The following RPTOR variants were observed in gnomAD, a reference collection of about 807,000 sequenced individuals.
RPTOR encodes the protein regulatory-associated protein of mTOR.
Under a neutral mutation model 169.9 loss-of-function variants are expected in RPTOR, and 21 were observed. The ratio of observed to expected loss-of-function variants is 0.12; its 90% CI spans 0.09 to 0.18. The LOEUF (loss-of-function observed/expected upper bound fraction) is 0.18, where lower values mean the gene tolerates loss of function less well. Among genes scored for constraint, RPTOR ranks in the 10% least tolerant of loss-of-function variants. The pLI, the probability that RPTOR is intolerant of heterozygous loss-of-function variation, is 1.00. For missense variants in RPTOR, 1,133 were observed against 1,855.9 expected, an observed-to-expected ratio of 0.61 and a Z score of 7.16; for synonymous variants, 732 against 753.2, an observed-to-expected ratio of 0.97 and a Z score of 0.46.
intron 9 of RPTOR, among the ~76,000 whole-genome samples, chr17:80,835,354 T>TAA (rs768154093): frequency 6.6e-6 from 1 of 152,160 alleles, no homozygotes; most frequent in South Asian, 2.1e-4. Flanking sequence ...GGAGTGTCAT[T>TAA]AACCTAAAAA....
rs1431224264 is a variant in RPTOR, at chr17:80,855,503, T to C, written c.1354T>C (p.Leu452=). The C allele has an allele frequency of 6.2e-7, 1 of 1,614,046 alleles. No individual in the cohort carries two copies. The highest frequency in any genetic ancestry group is 8.5e-7 in the Non-Finnish European group (1 of 1,179,988). ...AGTGCACCGGCTGAGAGCATTGGAC[T>C]TGCTTGGAAGATTTTTGGACCTGGG... ...SQVHRLRALD[L]LGRFLDLGPW... Residue 452 remains leucine, a synonymous_variant, in exon 12 of 34, where the codon TTG becomes CTG. Coordinates refer to ENST00000306801, the MANE Select transcript of RPTOR (RefSeq NM_020761.3).
chr17:80,789,618 G>A (rs190056026), intron 6 of RPTOR, among the ~76,000 whole-genome samples: 1 of 152,180 alleles, frequency 6.6e-6, no homozygotes, highest in South Asian at 2.1e-4. Flanking sequence ...TAGGGCTTTT[G>A]CCTGCAATAT....
chr17:80,569,858 G>A (rs2064884604), intron 1 of RPTOR, among the ~76,000 whole-genome samples: 1 of 152,128 alleles, frequency 6.6e-6, no homozygotes, highest in Non-Finnish European at 1.5e-5. Flanking sequence ...AGGGTCGTGG[G>A]TGCTTCATGA....
intron 9 of RPTOR, among the ~76,000 whole-genome samples, chr17:80,824,228 AC>A (rs1353503986): frequency 2.0e-5 from 3 of 152,252 alleles, no homozygotes; most frequent in Non-Finnish European, 4.4e-5. Flanking sequence ...TGGACTTTAA[AC>A]AGCAAAAGTT....
rs148868903 is a variant in RPTOR, at chr17:80,713,781, G to A, written c.507+5782G>A. On this transcript the variant is annotated intron_variant, in intron 4 of 33. Transcript: ENST00000306801. Reference sequence around the variant, plus strand: ...CAGGCACACACCATCCTGAGTGTGCGTGCGCTTAATATCAGAGTTTCAAAG... The same window carrying A: ...CAGGCACACACCATCCTGAGTGTGCATGCGCTTAATATCAGAGTTTCAAAG... Among the ~76,000 whole-genome samples, 598 of 152,180 alleles carry A rather than the reference G, an allele frequency of 3.9e-3. 1 individual carries two copies. The highest frequency in any genetic ancestry group is 0.01 in the Middle Eastern group (3 of 294).
intron 9 of RPTOR, among the ~76,000 whole-genome samples, chr17:80,826,432 A>G (rs1464435463): frequency 6.6e-6 from 1 of 152,160 alleles, no homozygotes; most frequent in Non-Finnish European, 1.5e-5. Flanking sequence ...TGTGGCAGTA[A>G]CCGCAGGTCT....
At chr17:80,551,574 G>T (rs577351463) in intron 1 of RPTOR, among the ~76,000 whole-genome samples, 1 of 152,222 alleles carries the variant, frequency 6.6e-6, no homozygotes, top group Admixed American at 6.5e-5. Flanking sequence ...ATTGCTGCCC[G>T]CATGTCCCAC....
chr17:80,836,556 G>A (rs2067566807), intron 9 of RPTOR, among the ~76,000 whole-genome samples: 1 of 152,204 alleles, frequency 6.6e-6, no homozygotes, highest in Non-Finnish European at 1.5e-5. Flanking sequence ...TCGGTCAGAG[G>A]CAGCTGCTGT....
chr17:80,581,152 T>C (rs1218928455), intron 1 of RPTOR, among the ~76,000 whole-genome samples: 3 of 152,240 alleles, frequency 2.0e-5, no homozygotes, highest in East Asian at 1.9e-4. Flanking sequence ...CTAATGTAGA[T>C]GAAAGACTCG....
At chr17:80,798,481 C>G (rs9889802) in intron 7 of RPTOR, among the ~76,000 whole-genome samples, 32,235 of 151,940 alleles carry the variant, frequency 0.21, 3,685 homozygotes, top group African/African-American at 0.29. Context: ...CTGCTTGGGA[C>G]ACCAGTCCCT....
At chr17:80,654,907 C>T (rs552120770) in intron 3 of RPTOR, among the ~76,000 whole-genome samples, 1 of 151,932 alleles carries the variant, frequency 6.6e-6, no homozygotes, top group Non-Finnish European at 1.5e-5. Flanking sequence ...ATATAAATGA[C>T]CATAATTGAC....
rs186362893 is a variant in RPTOR, at chr17:80,787,057, A to G, written c.831-4393A>G. Among the ~76,000 whole-genome samples the G allele has an allele frequency of 8.0e-3, 1,225 of 152,304 alleles. 21 individuals are homozygous for G. The highest frequency in any genetic ancestry group is 0.028 in the African/African-American group (1,181 of 41,564). ...CCACCACGCAGGGCGCCCTTGATGC[A>G]CACGCACCTGCCGCCCCCGCCCTGT... On this transcript the variant is annotated intron_variant, in intron 6 of 33. Transcript: ENST00000306801.
chr17:80,864,916 C>G (rs774832641), intron 13 of RPTOR, among the ~76,000 whole-genome samples: 2 of 152,246 alleles, frequency 1.3e-5, no homozygotes, highest in Non-Finnish European at 2.9e-5. Context: ...TAAGCTCACA[C>G]TCCCTGGCTC....
intron 5 of RPTOR, among the ~76,000 whole-genome samples, chr17:80,734,000 T>C (rs945996733): frequency 6.6e-6 from 1 of 152,236 alleles, no homozygotes; most frequent in Admixed American, 6.5e-5. Context: ...TGATTGTCTT[T>C]CGTTCTCTGA....
chr17:80,682,767 T>G (rs569173686), intron 3 of RPTOR, among the ~76,000 whole-genome samples: 1 of 152,220 alleles, frequency 6.6e-6, no homozygotes, highest in African/African-American at 2.4e-5. Context: ...TAACATTGAT[T>G]CAGTCCTGTG....
At chr17:80,724,265 G>C (rs1275113587) in intron 4 of RPTOR, among the ~76,000 whole-genome samples, 1 of 151,168 alleles carries the variant, frequency 6.6e-6, no homozygotes, top group Non-Finnish European at 1.5e-5. Flanking sequence ...TGAGAAGCCA[G>C]GCCATGTCCT....
chr17:80,866,280 A>G (rs754190176), intron 13 of RPTOR, among the ~76,000 whole-genome samples: 2 of 152,072 alleles, frequency 1.3e-5, no homozygotes, highest in Non-Finnish European at 2.9e-5. Context: ...GGTTGAGTAT[A>G]CGTGGACCCA....
Position 80,634,449 on chromosome 17 carries a change from TTGTG to T in RPTOR, c.265+8661_265+8664del, listed in dbSNP as rs530411693. 3.8e-4 allele frequency among the ~76,000 whole-genome samples: 33 copies of T among 86,988 alleles called. No homozygotes were observed. In the South Asian group the frequency reaches 9.6e-3, roughly 25 times the overall value. The allele number at this position is 86,988 out of a possible 152,430, so 57.1% of individuals were successfully genotyped here. Reference sequence around the variant, plus strand: ...TGTGTGTGCATACTGTGTGCATACTTTGTGTGTGCATAGTGTGTGCGTGTGCATA... The same window carrying T: ...TGTGTGTGCATACTGTGTGCATACTTTGTGCATAGTGTGTGCGTGTGCATA... On this transcript the variant is annotated intron_variant, in intron 2 of 33. Transcript: ENST00000306801.
At chr17:80,843,113 G>A (rs2067689033) in intron 10 of RPTOR, among the ~76,000 whole-genome samples, 1 of 152,178 alleles carries the variant, frequency 6.6e-6, no homozygotes, top group Non-Finnish European at 1.5e-5. Flanking sequence ...TTTACCATCA[G>A]TGTGTTAATT....
Sources: allele counts gnomAD v4.1 joint callset (sites outside exome capture counted in the v4.1 genomes callset), GRCh38; gene constraint gnomAD v4.1.1; transcripts MANE v1.5; gene names NCBI Gene and HGNC (gene_info 2026-07-23, HGNC 2026-07-21).